The following RARB variants were observed in gnomAD, a reference collection of about 807,000 sequenced individuals.
RARB encodes the protein HBV-activated protein.
A neutral mutation model predicts 51.9 loss-of-function variants in RARB; 17 were observed. That is an observed-to-expected ratio of 0.33 (90% CI 0.22 to 0.49). RARB has a LOEUF of 0.49. Ranked by LOEUF, RARB falls within the 20% of genes least tolerant of loss-of-function variation. The pLI is 0.99. For missense variants in RARB, 369 were observed against 550.8 expected, an observed-to-expected ratio of 0.67 and a Z score of 3.30; for synonymous variants, 215 against 195.4, an observed-to-expected ratio of 1.10 and a Z score of -0.84.
At chr3:24,855,017 C>A (rs544187730) in intron 1 of RARB, among the ~76,000 whole-genome samples, 2 of 152,202 alleles carry the variant, frequency 1.3e-5, no homozygotes, top group East Asian at 1.9e-4. Flanking sequence ...AGGCAAGAAA[C>A]CTTTAGATGT....
chr3:25,553,421 A>G (rs1699926046), intron 3 of RARB, among the ~76,000 whole-genome samples: 1 of 152,158 alleles, frequency 6.6e-6, no homozygotes, highest in South Asian at 2.1e-4. Flanking sequence ...AGACCCAGCT[A>G]TTTGTGAGGA....
rs1376085092 is a variant in RARB at position 24,989,954 on chromosome 3, C to T, written c.-379-70171C>T. 1.8e-3 allele frequency among the ~76,000 whole-genome samples: 176 copies of T among 95,280 alleles called. 56 individuals carry two copies. Among genetic ancestry groups the T allele is most frequent in the Non-Finnish European group, 3.0e-3 (145 of 48,598 alleles). 62.5% of individuals were successfully genotyped at this position (95,280 alleles called of 152,430 possible). A position where few individuals can be genotyped will look rare whatever the true frequency, so the allele number is the denominator to read the frequency against. On this transcript the variant is annotated intron_variant, in intron 2 of 11. Coordinates refer to the RARB transcript ENST00000383772. The stretch of plus-strand genomic sequence containing the variant: ...AGCTGGGACTACAGGCGCCCGCCAC[C>T]GCGCCCGGCTAATTTTTTGTATTTT...
At chr3:25,258,943 T>C (rs1210878966) in intron 5 of RARB, 1 of 738,498 alleles carries the variant, frequency 1.4e-6, no homozygotes, top group Non-Finnish European at 1.7e-6. Flanking sequence ...GCACTAACTT[T>C]CAACACCACC....
At chr3:25,200,894 C>T (rs918225473) in intron 5 of RARB, among the ~76,000 whole-genome samples, 6 of 152,108 alleles carry the variant, frequency 3.9e-5, no homozygotes, top group Non-Finnish European at 8.8e-5. Context: ...CAGCTTTGTT[C>T]TTTTGGCTTA....
chr3:24,862,058 C>A, intron 2 of RARB, among the ~76,000 whole-genome samples: 1 of 152,210 alleles, frequency 6.6e-6, no homozygotes, highest in South Asian at 2.1e-4. Context: ...CTTTTAAAAT[C>A]TGTAAGCTAA....
intron 1 of RARB, among the ~76,000 whole-genome samples, chr3:24,841,932 C>T (rs979124506): frequency 6.6e-5 from 10 of 151,958 alleles, no homozygotes; most frequent in African/African-American, 2.4e-4. Flanking sequence ...ATGAAAGAAC[C>T]TATTGAGAAA....
intron 5 of RARB, among the ~76,000 whole-genome samples, chr3:25,312,040 A>G (rs1704302992): frequency 6.6e-6 from 1 of 152,344 alleles, no homozygotes; most frequent in East Asian, 1.9e-4. Flanking sequence ...TGTTCAAAAT[A>G]TGGGTTCTTT....
chr3:25,380,846 A>G (rs79870346), intron 5 of RARB, among the ~76,000 whole-genome samples: 1,570 of 151,998 alleles, frequency 0.01, 34 homozygotes, highest in African/African-American at 0.035. Flanking sequence ...CTTAGGTTTT[A>G]TATTTCTATT....
chr3:25,129,247 T>C (rs778245988), intron 3 of RARB, among the ~76,000 whole-genome samples: 4 of 152,112 alleles, frequency 2.6e-5, no homozygotes, highest in Non-Finnish European at 5.9e-5. Context: ...ATTTTTTGTT[T>C]GTAAATATTA....
At chr3:24,869,210 A>C (rs769071049) in intron 2 of RARB, among the ~76,000 whole-genome samples, 1 of 152,170 alleles carries the variant, frequency 6.6e-6, no homozygotes, top group African/African-American at 2.4e-5. Context: ...AATAGCAACT[A>C]AAGTCTTCAT....
intron 5 of RARB, among the ~76,000 whole-genome samples, chr3:25,406,080 C>A (rs1413729334): frequency 6.6e-6 from 1 of 152,190 alleles, no homozygotes; most frequent in Admixed American, 6.5e-5. Context: ...TTATTACTTT[C>A]TTTTTCCTGT....
intron 3 of RARB, among the ~76,000 whole-genome samples, chr3:25,123,000 C>A (rs1042090348): frequency 6.6e-6 from 1 of 152,212 alleles, no homozygotes; most frequent in African/African-American, 2.4e-5. Context: ...AGTGGTGACT[C>A]AGGAATGGTA....
chr3:25,132,968 A>C (rs1699976716), intron 4 of RARB, among the ~76,000 whole-genome samples: 1 of 151,956 alleles, frequency 6.6e-6, no homozygotes, highest in South Asian at 2.1e-4. Context: ...TATTTTATCA[A>C]ATTTAAGACA....
rs574713624 is a variant in RARB at position 25,012,362 on chromosome 3, G to A, written c.-379-47763G>A. On this transcript the variant is annotated intron_variant, in intron 2 of 11. Coordinates refer to the RARB transcript ENST00000383772. ...GAATCACCTGAGAAGTGTTTAGAAC[G>A]CTATCCCCAGATGTTTTGATTCAGA... Among the ~76,000 whole-genome samples the A allele has an allele frequency of 1.2e-3, 177 of 152,180 alleles. 1 individual carries two copies. Among genetic ancestry groups the A allele is most frequent in the Middle Eastern group, 6.8e-3 (2 of 294 alleles).
chr3:25,437,799 C>T (rs1012152320), intron 1 of RARB, among the ~76,000 whole-genome samples: 104 of 152,344 alleles, frequency 6.8e-4, no homozygotes, highest in African/African-American at 2.4e-3. Context: ...AATAAGTGCA[C>T]ACCTTCCAAA....
At chr3:25,310,273 G>A (rs749996919) in intron 5 of RARB, among the ~76,000 whole-genome samples, 6 of 152,218 alleles carry the variant, frequency 3.9e-5, no homozygotes, top group Non-Finnish European at 8.8e-5. Flanking sequence ...TGGAGCATGA[G>A]TGAGAAATAG....
intron 5 of RARB, among the ~76,000 whole-genome samples, chr3:25,234,203 T>A (rs567767579): frequency 1.3e-5 from 2 of 152,294 alleles, no homozygotes; most frequent in Non-Finnish European, 2.9e-5. Context: ...GTTTTCTTTG[T>A]TGAAGGTTTT....
chr3:24,987,668 T>C (rs1309976603), intron 2 of RARB, among the ~76,000 whole-genome samples: 1 of 152,180 alleles, frequency 6.6e-6, no homozygotes, highest in Admixed American at 6.5e-5. Context: ...ATTATTTAGG[T>C]CTAAATCCTG....
At chr3:25,182,428 G>A (rs1048392791) in intron 5 of RARB, among the ~76,000 whole-genome samples, 8 of 152,162 alleles carry the variant, frequency 5.3e-5, no homozygotes, top group Non-Finnish European at 1.0e-4. Flanking sequence ...GTCTTGGAAG[G>A]CATATGGGGT....
Sources: gnomAD v4.1 joint callset for allele counts (sites outside exome capture counted in the v4.1 genomes callset) on GRCh38, gnomAD v4.1.1 for gene constraint, MANE v1.5 for transcripts, NCBI Gene and HGNC (gene_info 2026-07-23, HGNC 2026-07-21) for gene names.